The following ELAPOR2 variants were observed in gnomAD, a reference collection of about 807,000 sequenced individuals.
ELAPOR2 encodes endosome-lysosome associated apoptosis and autophagy regulator family member 2, also known as endosome/lysosome-associated apoptosis and autophagy regulator family member 2.
ELAPOR2 carries 89 observed loss-of-function variants against 120.7 expected under a neutral mutation model. That is an observed-to-expected ratio of 0.74 (90% CI 0.62 to 0.88). The LOEUF is 0.88. Among genes scored for constraint, ELAPOR2 ranks in the 40% least tolerant of loss-of-function variants. The pLI, the probability that ELAPOR2 is intolerant of heterozygous loss-of-function variation, is 0.00. For synonymous variants in ELAPOR2, 444 were observed against 444.9 expected, an observed-to-expected ratio of 1.00 and a Z score of 0.03; for missense variants, 1,134 against 1,251.6, an observed-to-expected ratio of 0.91 and a Z score of 1.42.
At chr7:86,996,702 G>A (rs965909214) in intron 1 of ELAPOR2, among the ~76,000 whole-genome samples, 2 of 152,168 alleles carry the variant, frequency 1.3e-5, no homozygotes, top group African/African-American at 4.8e-5. Context: ...CCACTTAGGG[G>A]GTTGAAACAG....
chr7:86,924,539 A>G (rs1789977492), intron 10 of ELAPOR2, among the ~76,000 whole-genome samples: 1 of 151,866 alleles, frequency 6.6e-6, no homozygotes, highest in South Asian at 2.1e-4. Flanking sequence ...CTTCAGGGTC[A>G]AGTAACAGCT....
At chr7:87,013,531 G>A (rs372853427) in intron 1 of ELAPOR2, among the ~76,000 whole-genome samples, 1 of 152,146 alleles carries the variant, frequency 6.6e-6, no homozygotes, top group Non-Finnish European at 1.5e-5. Flanking sequence ...ATACCTAAAA[G>A]TTGCCACATT....
chr7:86,933,787 C>G (rs997066079), intron 8 of ELAPOR2, among the ~76,000 whole-genome samples: 1 of 151,986 alleles, frequency 6.6e-6, no homozygotes, highest in Non-Finnish European at 1.5e-5. Flanking sequence ...CCATGACCCT[C>G]GAATAAAGCT....
At chr7:86,979,227 A>G (rs1792379882) in intron 1 of ELAPOR2, among the ~76,000 whole-genome samples, 1 of 152,232 alleles carries the variant, frequency 6.6e-6, no homozygotes, top group African/African-American at 2.4e-5. Flanking sequence ...TTAAGAGGAC[A>G]AAAGTTGCCA....
intron 1 of ELAPOR2, among the ~76,000 whole-genome samples, chr7:86,993,246 AAAAAG>A (rs1554402331): frequency 2.8e-5 from 4 of 143,988 alleles, no homozygotes; most frequent in African/African-American, 1.0e-4. Context: ...AAAAAAAAAA[AAAAAG>A]AAAAAGAAAA....
chr7:87,030,579 T>C (rs1353720112), intron 1 of ELAPOR2, among the ~76,000 whole-genome samples: 1 of 152,216 alleles, frequency 6.6e-6, no homozygotes, highest in Non-Finnish European at 1.5e-5. Flanking sequence ...TAATGGTTTC[T>C]CCATACATTA....
At chr7:87,044,681 C>G (rs1353935340) in intron 1 of ELAPOR2, among the ~76,000 whole-genome samples, 1 of 151,970 alleles carries the variant, frequency 6.6e-6, no homozygotes, top group East Asian at 1.9e-4. Flanking sequence ...CATTACCATT[C>G]AGGACATAGG....
intron 10 of ELAPOR2, 59 bp from the exon 11 acceptor site, chr7:86,919,369 C>T (rs938867281): frequency 2.0e-6 from 2 of 1,023,946 alleles, no homozygotes; most frequent in East Asian, 2.6e-5. Context: ...CTCCAACAAT[C>T]TGTTTAAATA....
chr7:86,908,377 T>A, intron 17 of ELAPOR2, 70 bp downstream of exon 17: 1 of 771,060 alleles, frequency 1.3e-6, no homozygotes, highest in African/African-American at 1.8e-5. Context: ...AATATATGAG[T>A]ATTGGTGTTC....
chr7:87,002,386 C>A (rs1793345992), intron 1 of ELAPOR2, among the ~76,000 whole-genome samples: 1 of 152,130 alleles, frequency 6.6e-6, no homozygotes, highest in Admixed American at 6.6e-5. Context: ...CAGCAGCAGT[C>A]TCCTTCTGGT....
At chr7:87,009,651 G>T (rs935752862) in intron 1 of ELAPOR2, among the ~76,000 whole-genome samples, 3 of 152,112 alleles carry the variant, frequency 2.0e-5, no homozygotes, top group African/African-American at 7.2e-5. Flanking sequence ...CAGGAATAAA[G>T]ATCTGCACCA....
At chr7:86,924,763 T>C (rs1171732209) in intron 10 of ELAPOR2, among the ~76,000 whole-genome samples, 1 of 151,946 alleles carries the variant, frequency 6.6e-6, no homozygotes, top group African/African-American at 2.4e-5. Context: ...TTTGAATAGA[T>C]ATTGATTTAA....
chr7:87,040,996 T>C (rs987576156), intron 1 of ELAPOR2, among the ~76,000 whole-genome samples: 1 of 151,902 alleles, frequency 6.6e-6, no homozygotes, highest in Non-Finnish European at 1.5e-5. Flanking sequence ...TGCGATCAAC[T>C]GGAAGAAAGG....
At chr7:86,881,187 A>G (rs1053524270) in intron 21 of ELAPOR2, among the ~76,000 whole-genome samples, 5 of 151,962 alleles carry the variant, frequency 3.3e-5, no homozygotes, top group African/African-American at 9.7e-5. Flanking sequence ...AGGAGATGGG[A>G]TTTCTTCCAA....
At chr7:86,991,102 T>C (rs150278572) in intron 1 of ELAPOR2, among the ~76,000 whole-genome samples, 1 of 152,326 alleles carries the variant, frequency 6.6e-6, no homozygotes, top group African/African-American at 2.4e-5. Context: ...TAAATGTATA[T>C]TTATATCCAT....
At chr7:86,941,911 TC>T (rs1470992434) in intron 5 of ELAPOR2, 106 bp downstream of exon 5, 3 of 633,314 alleles carry the variant, frequency 4.7e-6, no homozygotes, top group Non-Finnish European at 8.3e-6. Flanking sequence ...AATATACTTT[TC>T]TTAAAACGTT....
chr7:86,939,808 T>A (rs1790725382), intron 6 of ELAPOR2, among the ~76,000 whole-genome samples: 2 of 152,078 alleles, frequency 1.3e-5, no homozygotes, highest in Admixed American at 6.6e-5. Context: ...ATTAAATAAT[T>A]TAGTTCAAGG....
intron 14 of ELAPOR2, among the ~76,000 whole-genome samples, chr7:86,912,633 C>G (rs966812267): frequency 2.0e-5 from 3 of 152,144 alleles, no homozygotes; most frequent in Non-Finnish European, 4.4e-5. Context: ...ACTGCTATAG[C>G]CAGCCTATAG....
intron 1 of ELAPOR2, among the ~76,000 whole-genome samples, chr7:87,054,257 A>G (rs542937872): frequency 1.3e-5 from 2 of 152,328 alleles, no homozygotes; most frequent in East Asian, 3.9e-4. Flanking sequence ...GCTGGAGAAG[A>G]CACTATGATA....
Sources: allele counts gnomAD v4.1 joint callset (sites outside exome capture counted in the v4.1 genomes callset), GRCh38; gene constraint gnomAD v4.1.1; transcripts MANE v1.5; gene names NCBI Gene and HGNC (gene_info 2026-07-23, HGNC 2026-07-21).